GALNTL6: variants seen among roughly 807,000 people sequenced by gnomAD.
The protein encoded by GALNTL6 is polypeptide N-acetylgalactosaminyltransferase like 6, also known as polypeptide N-acetylgalactosaminyltransferase-like 6.
A neutral mutation model predicts 73.7 loss-of-function variants in GALNTL6; 46 were observed. That is an observed-to-expected ratio of 0.62 (90% CI 0.49 to 0.80). The LOEUF is 0.80. GALNTL6 is among the 30% of genes least tolerant of loss of function. GALNTL6 has a pLI of 0.00. For synonymous variants in GALNTL6, 259 were observed against 263.7 expected, an observed-to-expected ratio of 0.98 and a Z score of 0.17; for missense variants, 604 against 755.0, an observed-to-expected ratio of 0.80 and a Z score of 2.34.
intron 2 of GALNTL6, among the ~76,000 whole-genome samples, chr4:172,153,938 C>G (rs1044880385): frequency 6.6e-6 from 1 of 152,032 alleles, no homozygotes; most frequent in Non-Finnish European, 1.5e-5. Flanking sequence ...TGAGGCTGCC[C>G]GGGAACATTT....
intron 5 of GALNTL6, among the ~76,000 whole-genome samples, chr4:172,791,802 A>C (rs1740009118): frequency 6.6e-6 from 1 of 152,262 alleles, no homozygotes; most frequent in African/African-American, 2.4e-5. Context: ...AAAGAAAAAA[A>C]AAGTTAATTT....
chr4:172,940,794 T>C (rs1748881455), intron 9 of GALNTL6, among the ~76,000 whole-genome samples: 1 of 152,098 alleles, frequency 6.6e-6, no homozygotes, highest in East Asian at 1.9e-4. Context: ...CATCTCAGCC[T>C]CCTAGGTAGC....
intron 5 of GALNTL6, among the ~76,000 whole-genome samples, chr4:172,603,789 G>A (rs1412691982): frequency 6.6e-6 from 1 of 152,076 alleles, no homozygotes; most frequent in Non-Finnish European, 1.5e-5. Context: ...TAATCTTAGT[G>A]GCATGACTCA....
chr4:172,959,412 A>G (rs571389606), intron 10 of GALNTL6, among the ~76,000 whole-genome samples: 1 of 152,280 alleles, frequency 6.6e-6, no homozygotes, highest in Admixed American at 6.5e-5. Context: ...AGTTGGCACC[A>G]GAGTTGGGGA....
intron 5 of GALNTL6, among the ~76,000 whole-genome samples, chr4:172,354,417 T>C (rs1742076846): frequency 6.6e-6 from 1 of 152,174 alleles, no homozygotes. Context: ...GCTATTCTGC[T>C]TTCTGATATT....
chr4:172,683,476 C>G (rs1352208822), intron 5 of GALNTL6, among the ~76,000 whole-genome samples: 6 of 152,172 alleles, frequency 3.9e-5, no homozygotes, highest in Admixed American at 2.6e-4. Context: ...TACAATAATT[C>G]TTTCAAGTCT....
chr4:172,190,040 A>G (rs979804373), intron 2 of GALNTL6, among the ~76,000 whole-genome samples: 1 of 152,180 alleles, frequency 6.6e-6, no homozygotes, highest in Non-Finnish European at 1.5e-5. Context: ...AGAGTTTGGG[A>G]CAATTTATAG....
At chr4:171,990,380 T>C (rs778085787) in intron 2 of GALNTL6, among the ~76,000 whole-genome samples, 24 of 151,752 alleles carry the variant, frequency 1.6e-4, no homozygotes, top group Admixed American at 4.6e-4. Context: ...GAGAAAGAAA[T>C]TGGGTAGTTA....
rs116764794 is a variant in GALNTL6 at position 172,591,015 on chromosome 4, C to T, written c.554-218346C>T. On this transcript the variant is annotated intron_variant, in intron 5 of 12. Transcript: ENST00000506823. ...GTCAGCTATACCAATTTTAGGATGC[C>T]TTGGCTTATAGGAACAACTAACAGA... 5.6e-3 allele frequency among the ~76,000 whole-genome samples: 848 copies of T among 152,042 alleles called. 8 individuals carry two copies. The highest frequency in any genetic ancestry group is 0.019 in the African/African-American group (794 of 41,462).
At chr4:172,154,561 C>CT (rs1217656719) in intron 2 of GALNTL6, among the ~76,000 whole-genome samples, 1 of 152,134 alleles carries the variant, frequency 6.6e-6, no homozygotes, top group Non-Finnish European at 1.5e-5. Context: ...TTTATACTAT[C>CT]TTTTGAATGA....
At chr4:172,429,474 T>G (rs1731361288) in intron 5 of GALNTL6, among the ~76,000 whole-genome samples, 2 of 152,154 alleles carry the variant, frequency 1.3e-5, no homozygotes, top group Non-Finnish European at 2.9e-5. Context: ...CCTCCCGAAG[T>G]GCTGGGATTA....
At chr4:172,904,566 G>C (rs998251543) in intron 8 of GALNTL6, among the ~76,000 whole-genome samples, 2 of 152,176 alleles carry the variant, frequency 1.3e-5, no homozygotes, top group Non-Finnish European at 2.9e-5. Flanking sequence ...TGAATGGCCT[G>C]TGTGCTTCAG....
intron 5 of GALNTL6, among the ~76,000 whole-genome samples, chr4:172,682,317 G>A (rs1449969833): frequency 6.6e-6 from 1 of 152,118 alleles, no homozygotes; most frequent in Non-Finnish European, 1.5e-5. Context: ...TAATATGATG[G>A]AGTTGTATCT....
At position 172,880,584 on chromosome 4, in the gene GALNTL6, G is replaced by A. The variant is rs749620120; in HGVS notation, c.924-2206G>A. The stretch of plus-strand genomic sequence containing the variant: ...GGTCCATTTTCAGTGATGGCTGCAC[G>A]GAGATAAACACAAGTCAAAACCTAT... On this transcript the variant is annotated intron_variant, in intron 7 of 12. Transcript: ENST00000506823. Among the ~76,000 whole-genome samples the A allele has an allele frequency of 7.6e-4, 115 of 152,080 alleles. 1 individual carries two copies. The highest frequency in any genetic ancestry group is 2.6e-3 in the African/African-American group (106 of 41,516).
chr4:171,989,658 T>C (rs1740270163), intron 2 of GALNTL6, among the ~76,000 whole-genome samples: 1 of 152,246 alleles, frequency 6.6e-6, no homozygotes, highest in South Asian at 2.1e-4. Context: ...CTCTTATTAC[T>C]GCACATCTTG....
At chr4:172,932,165 A>C (rs1015422042) in intron 9 of GALNTL6, among the ~76,000 whole-genome samples, 11 of 152,246 alleles carry the variant, frequency 7.2e-5, no homozygotes, top group Admixed American at 6.5e-5. Flanking sequence ...AAGCTTTTGT[A>C]AAAATAAATA....
intron 2 of GALNTL6, among the ~76,000 whole-genome samples, chr4:171,923,636 G>A (rs1003577655): frequency 2.0e-5 from 3 of 148,900 alleles, no homozygotes; most frequent in Non-Finnish European, 4.4e-5. Flanking sequence ...TCGATCTCCT[G>A]ACCTTGTGAT....
intron 5 of GALNTL6, among the ~76,000 whole-genome samples, chr4:172,452,516 A>C (rs1416250905): frequency 6.6e-6 from 1 of 152,188 alleles, no homozygotes; most frequent in Non-Finnish European, 1.5e-5. Context: ...TATTCAAAAC[A>C]GTTGTTCTGT....
intron 5 of GALNTL6, among the ~76,000 whole-genome samples, chr4:172,618,912 C>T (rs374505258): frequency 1.5e-4 from 23 of 152,070 alleles, no homozygotes; most frequent in African/African-American, 5.5e-4. Context: ...TTAATAAAGA[C>T]GGGGTTTCAC....
Sources: gnomAD v4.1 joint callset for allele counts (sites outside exome capture counted in the v4.1 genomes callset) on GRCh38, gnomAD v4.1.1 for gene constraint, MANE v1.5 for transcripts, NCBI Gene and HGNC (gene_info 2026-07-23, HGNC 2026-07-21) for gene names.